The following ATP1A1 variants were observed in gnomAD, a reference collection of about 807,000 sequenced individuals.
ATP1A1 encodes the protein ATPase Na+/K+ transporting subunit alpha 1.
In ATP1A1, 14 loss-of-function variants were observed where a neutral mutation model predicts 114.8. The observed-to-expected ratio is 0.12, with a 90% confidence interval of 0.08 to 0.19. ATP1A1 has a LOEUF of 0.19. ATP1A1 is among the 10% of genes least tolerant of loss of function. ATP1A1 has a pLI of 1.00. For missense variants in ATP1A1, 524 were observed against 1,290.7 expected (o/e 0.41, Z 9.10); for synonymous variants, 471 against 466.3 (o/e 1.01, Z -0.13).
At chr1:116,375,666 TTGTG>T (rs1037228099) in intron 1 of ATP1A1, among the ~76,000 whole-genome samples, 37 of 152,218 alleles carry the variant, frequency 2.4e-4, no homozygotes, top group African/African-American at 8.9e-4. Context: ...GTGTGTGTGT[TTGTG>T]TGTGTGTTTG....
In ATP1A1 at chr1:116,393,826, T is replaced by G. The variant is rs1018600538; in HGVS notation, c.1660+103T>G. On this transcript the variant is annotated intron_variant, in intron 12 of 22. Transcript: ENST00000295598. This position sits in a 1 kb window ranked among gnomAD's most constrained non-coding sequence, Gnocchi z 5.0. ...GATCCTATGAACCTCTATGTCTTGT[T>G]GACCTTCCTCTACATCTTTTAGGGG... 1.8e-5 allele frequency: 21 copies of G among 1,179,702 alleles called. No homozygotes were observed. The highest frequency in any genetic ancestry group is 2.3e-5 in the Non-Finnish European group (20 of 856,492). 73.1% of individuals were successfully genotyped at this position (1,179,702 alleles called of 1,614,324 possible).
In ATP1A1 at chr1:116,400,898, T is replaced by C. The variant is rs749535308; in HGVS notation, c.2610T>C (p.Phe870=). 9 of 1,614,220 alleles carry C rather than the reference T, an allele frequency of 5.6e-6. 1 individual carries two copies. The East Asian group carries it at 2.0e-4, about 36-fold the overall frequency. ...IQALGGFFTY[F]VILAENGFLP... is the part of the protein sequence containing the mutation. ...CCCTGGGAGGCTTCTTTACTTACTT[T>C]GTGATTCTGGCTGAGAACGGCTTCC... The change falls in exon 19 of 23, where the codon TTT becomes TTC. Residue 870 remains phenylalanine, a synonymous_variant. Transcript: ENST00000295598.
In ATP1A1 at chr1:116,389,401, T is replaced by TACA; in HGVS notation, c.755-36_755-34dup. On this transcript the variant is annotated intron_variant, in intron 7 of 22. Coordinates refer to ENST00000295598, the MANE Select transcript of ATP1A1 (RefSeq NM_000701.8). The surrounding 1 kb of genome is among the most constrained non-coding windows in gnomAD (Gnocchi z 6.9). ...AATCCGTGGCTTCCTTCAGGTTAGA[T>TACA]ACAATTAGGTACAGTTCTCCCTCCC... 1.2e-6 allele frequency: 2 copies of TACA among 1,607,802 alleles called. No individual in the cohort carries two copies. The highest frequency in any genetic ancestry group is 8.5e-7 in the Non-Finnish European group (1 of 1,175,234).
rs1653153434 is a variant in ATP1A1, at chr1:116,398,853, T to C, written c.2293+64T>C. ...GATACTGCCCATTAGCATCCATTTC[T>C]GTATACTTCTTGGATATGTTCAGTT... is the stretch of plus-strand genomic sequence containing the variant. On this transcript the variant is annotated intron_variant, in intron 16 of 22. Transcript: ENST00000295598. The surrounding 1 kb of genome is among the most constrained non-coding windows in gnomAD (Gnocchi z 6.1). 3.7e-6 allele frequency: 6 copies of C among 1,609,878 alleles called. No homozygotes were observed. In the South Asian group the frequency reaches 4.4e-5, roughly 12 times the overall value.
At chr1:116,376,011 T>C (rs1385436524) in intron 1 of ATP1A1, among the ~76,000 whole-genome samples, 2 of 152,208 alleles carry the variant, frequency 1.3e-5, no homozygotes, top group Non-Finnish European at 2.9e-5. Context: ...CCTTTTTTTC[T>C]TTCTGGGTTT....
rs374765742 is a variant in ATP1A1 at position 116,400,875 on chromosome 1, C to T, written c.2587C>T (p.Leu863=). 2.0e-5 allele frequency: 33 copies of T among 1,614,120 alleles called. 1 individual carries two copies. In the East Asian group the frequency reaches 2.7e-4, roughly 13 times the overall value. The change falls in exon 19 of 23, where the codon CTG becomes TTG. Residue 863 remains leucine (L), a synonymous_variant. Coordinates refer to ENST00000295598, the MANE Select transcript of ATP1A1 (RefSeq NM_000701.8). ...AYGQIGMIQA[L]GGFFTYFVIL... The stretch of plus-strand genomic sequence containing the variant: ...TCCCAACTTAGGAATGATCCAGGCC[C>T]TGGGAGGCTTCTTTACTTACTTTGT...
At chr1:116,394,179 T>C (rs1205289908) in intron 12 of ATP1A1, among the ~76,000 whole-genome samples, 1 of 152,216 alleles carries the variant, frequency 6.6e-6, no homozygotes, top group Admixed American at 6.5e-5. Flanking sequence ...TGTGCTCAGC[T>C]TAGAAACTAG....
rs1480793817 is a variant in ATP1A1 at position 116,381,809 on chromosome 1, T to C, written c.13-2205T>C. ...TGCAGATTATGAAGCTGAGGGGTTA[T>C]AACTATTTCATTTATTGAAATATAT... On this transcript the variant is annotated intron_variant, in intron 1 of 22. Transcript: ENST00000295598. The surrounding 1 kb of genome is among the most constrained non-coding windows in gnomAD (Gnocchi z 5.1). Among the ~76,000 whole-genome samples the C allele has an allele frequency of 2.0e-5, 3 of 152,226 alleles. No homozygotes were observed. The highest frequency in any genetic ancestry group is 4.4e-5 in the Non-Finnish European group (3 of 68,038).
chr1:116,397,246 G>A lies in ATP1A1; in HGVS notation c.1973+512G>A, dbSNP rs993528405. ...CAAATTGGTTTTGTTTTAAGGTTTA[G>A]GGCCCTTTCACCCTATGTTACGGTT... On this transcript the variant is annotated intron_variant, in intron 14 of 22. Coordinates refer to ENST00000295598, the MANE Select transcript of ATP1A1 (RefSeq NM_000701.8). This position sits in a 1 kb window ranked among gnomAD's most constrained non-coding sequence, Gnocchi z 4.2. Among the ~76,000 whole-genome samples the A allele has an allele frequency of 6.6e-6, 1 of 152,160 alleles. No individual in the cohort carries two copies. Among genetic ancestry groups the A allele is most frequent in the African/African-American group, 2.4e-5 (1 of 41,438 alleles).
chr1:116,401,460 A>G lies in ATP1A1; in HGVS notation c.2850-94A>G, dbSNP rs1570981049. 3 of 1,447,588 alleles carry G rather than the reference A, an allele frequency of 2.1e-6. No homozygotes were observed. In the South Asian group the frequency reaches 3.6e-5, roughly 18 times the overall value. The allele number at this position is 1,447,588 out of a possible 1,614,324, so 89.7% of individuals were successfully genotyped here. On this transcript the variant is annotated intron_variant, in intron 20 of 22. Transcript: ENST00000295598. This position sits in a 1 kb window ranked among gnomAD's most constrained non-coding sequence, Gnocchi z 4.7. ...CCAAGTTTTCAAGTACAGCTAATAC[A>G]TAAAGATGTTGATCTGCCATTTTAA...
chr1:116,379,471 C>G (rs192703815), intron 1 of ATP1A1, among the ~76,000 whole-genome samples: 5 of 152,342 alleles, frequency 3.3e-5, no homozygotes, highest in Non-Finnish European at 5.9e-5. Context: ...CCGGCCATCC[C>G]TTAGCCCTCC....
In ATP1A1 at chr1:116,397,265, T is replaced by TAA. The variant is rs748990530; in HGVS notation, c.1973+532_1973+533insAA. 2.8e-4 allele frequency among the ~76,000 whole-genome samples: 43 copies of TAA among 152,328 alleles called. No individual in the cohort carries two copies. The highest frequency in any genetic ancestry group is 1.0e-3 in the South Asian group (5 of 4,826). On this transcript the variant is annotated intron_variant, in intron 14 of 22. Coordinates refer to ENST00000295598, the MANE Select transcript of ATP1A1 (RefSeq NM_000701.8). This position sits in a 1 kb window ranked among gnomAD's most constrained non-coding sequence, Gnocchi z 4.2. The stretch of plus-strand genomic sequence containing the variant: ...GGTTTAGGGCCCTTTCACCCTATGT[T>TAA]ACGGTTAGAGGAGGGTTTGGTCTTG...
At chr1:116,383,305 C>T in intron 1 of ATP1A1, 2 of 1,062,312 alleles carry the variant, frequency 1.9e-6, no homozygotes, top group Non-Finnish European at 2.3e-6. Context: ...CTTAGGCTGA[C>T]TTTTTAATAT....
rs551322889 is a variant in ATP1A1, at chr1:116,391,256, C to T, written c.1332+365C>T. Among the ~76,000 whole-genome samples, 24 of 152,322 alleles carry T rather than the reference C, an allele frequency of 1.6e-4. No homozygotes were observed. The South Asian group carries it at 4.6e-3, about 29-fold the overall frequency. On this transcript the variant is annotated intron_variant, in intron 10 of 22. Transcript: ENST00000295598. ...CCTAGTGGACAGTGAGAGCTGAGGG[C>T]TGCAGTGACTCCATAATCGTATTTG...
rs765033961 is a variant in ATP1A1, at chr1:116,404,398, T to C, written c.3044-18T>C. 11 of 1,613,780 alleles carry C rather than the reference T, an allele frequency of 6.8e-6. No homozygotes were observed. ...GACTCACTGTAGTGTGTCTTGTCTGTCTCTTTGCCACCCACAGGCTGGGTG... is the reference window on the plus strand; with the variant it reads ...GACTCACTGTAGTGTGTCTTGTCTGCCTCTTTGCCACCCACAGGCTGGGTG... On this transcript the variant is annotated intron_variant, in intron 22 of 22. Coordinates refer to ENST00000295598, the MANE Select transcript of ATP1A1 (RefSeq NM_000701.8). This position sits in a 1 kb window ranked among gnomAD's most constrained non-coding sequence, Gnocchi z 4.8.
In ATP1A1 at chr1:116,388,376, C is replaced by T. The variant is rs371850145; in HGVS notation, c.501+132C>T. 1.4e-4 allele frequency: 135 copies of T among 989,124 alleles called. 1 individual carries two copies. In the African/African-American group the frequency reaches 2.0e-3, roughly 14 times the overall value. The allele number at this position is 989,124 out of a possible 1,614,324, so 61.3% of individuals were successfully genotyped here. On this transcript the variant is annotated intron_variant, in intron 5 of 22. Transcript: ENST00000295598. This position sits in a 1 kb window ranked among gnomAD's most constrained non-coding sequence, Gnocchi z 5.6. ...AGAGAGATGGATGTCTTCTACCCCA[C>T]CCAAAACCAACCTATTTTCCTTCTA...
Position 116,398,032 on chromosome 1 carries a change from A to G in ATP1A1, c.2118A>G (p.Gln706=), listed in dbSNP as rs760179843. 3.1e-6 allele frequency: 5 copies of G among 1,613,948 alleles called. No individual in the cohort carries two copies. In the South Asian group the frequency reaches 3.3e-5, roughly 11 times the overall value. ...AGCTCATCATTGTGGAAGGCTGCCA[A>G]AGACAGGTCAGCCAGCACAAGGATC... The part of the protein sequence containing the change: ...QQKLIIVEGC[Q]RQGAIVAVTG... Residue 706 remains glutamine, a synonymous_variant, in exon 15 of 23, where the codon CAA becomes CAG. Coordinates refer to ENST00000295598, the MANE Select transcript of ATP1A1 (RefSeq NM_000701.8). This position sits in a 1 kb window ranked among gnomAD's most constrained non-coding sequence, Gnocchi z 6.1.
chr1:116,386,153 AAAAAGGAG>A (rs1652070389), intron 3 of ATP1A1: 1 of 150,678 alleles, frequency 6.6e-6, no homozygotes, highest in Non-Finnish European at 1.4e-5. Flanking sequence ...AAAAAAAAAA[AAAAAGGAG>A]AGAAGAACAA....
In ATP1A1 at chr1:116,399,796, T is replaced by G. The variant is rs142219339; in HGVS notation, c.2572+253T>G. 1.7e-3 allele frequency among the ~76,000 whole-genome samples: 260 copies of G among 152,318 alleles called. 2 individuals carry two copies. The highest frequency in any genetic ancestry group is 6.2e-3 in the African/African-American group (257 of 41,564). ...TGAGCACCTTGGAACTGGGCTCAACTCTGCCTGAGAAATGAGGATGTCCTT... is the reference window on the plus strand; with the variant it reads ...TGAGCACCTTGGAACTGGGCTCAACGCTGCCTGAGAAATGAGGATGTCCTT... On this transcript the variant is annotated intron_variant, in intron 18 of 22. Coordinates refer to ENST00000295598, the MANE Select transcript of ATP1A1 (RefSeq NM_000701.8). This position sits in a 1 kb window ranked among gnomAD's most constrained non-coding sequence, Gnocchi z 5.0.
Sources: allele counts gnomAD v4.1 joint callset (sites outside exome capture counted in the v4.1 genomes callset), GRCh38; gene constraint gnomAD v4.1.1; non-coding constraint Gnocchi (gnomAD v3.1); transcripts MANE v1.5; gene names NCBI Gene and HGNC (gene_info 2026-07-23, HGNC 2026-07-21).